CNTNAP2: variants seen among roughly 807,000 people sequenced by gnomAD.
CNTNAP2 encodes the protein contactin associated protein 2.
CNTNAP2 carries 98 observed loss-of-function variants against 155.2 expected under a neutral mutation model. The ratio of observed to expected loss-of-function variants is 0.63; its 90% CI spans 0.54 to 0.75. CNTNAP2 has a LOEUF of 0.75. Among genes scored for constraint, CNTNAP2 ranks in the 30% least tolerant of loss-of-function variants. The pLI, the probability that CNTNAP2 is intolerant of heterozygous loss-of-function variation, is 0.00. For synonymous variants in CNTNAP2, 651 were observed against 631.2 expected (o/e 1.03, Z -0.47); for missense variants, 1,727 against 1,688.1 (o/e 1.02, Z -0.40).
intron 8 of CNTNAP2, among the ~76,000 whole-genome samples, chr7:147,294,489 A>G (rs777062846): frequency 6.6e-6 from 1 of 152,164 alleles, no homozygotes; most frequent in Non-Finnish European, 1.5e-5. Context: ...ATGTTTTCCC[A>G]AGCCTCAAAT....
intron 20 of CNTNAP2, among the ~76,000 whole-genome samples, chr7:148,230,662 TG>T (rs1795945680): frequency 6.6e-6 from 1 of 152,230 alleles, no homozygotes; most frequent in African/African-American, 2.4e-5. Context: ...TTTTGAGCAC[TG>T]GTGGATGTCA....
chr7:147,988,854 T>C (rs867215221), intron 15 of CNTNAP2, among the ~76,000 whole-genome samples: 8 of 152,240 alleles, frequency 5.3e-5, no homozygotes, highest in African/African-American at 1.4e-4. Flanking sequence ...GTGTGGAGCA[T>C]ACTTTGGAAG....
intron 3 of CNTNAP2, among the ~76,000 whole-genome samples, chr7:147,034,702 GA>G (rs1452056016): frequency 6.6e-6 from 1 of 152,154 alleles, no homozygotes; most frequent in Non-Finnish European, 1.5e-5. Flanking sequence ...GGGGAGGTCA[GA>G]AGGGGGATGG....
At chr7:146,745,298 T>G (rs910050063) in intron 1 of CNTNAP2, among the ~76,000 whole-genome samples, 1 of 152,168 alleles carries the variant, frequency 6.6e-6, no homozygotes, top group African/African-American at 2.4e-5. Context: ...AGCTTTAAAT[T>G]TATTATCTCA....
intron 15 of CNTNAP2, among the ~76,000 whole-genome samples, chr7:148,043,321 A>T (rs117543606): frequency 6.6e-6 from 1 of 152,336 alleles, no homozygotes; most frequent in Non-Finnish European, 1.5e-5. Context: ...CAAGGTGTGT[A>T]ACAAAGACAT....
At chr7:147,143,749 AT>A (rs1232381334) in intron 8 of CNTNAP2, among the ~76,000 whole-genome samples, 1 of 152,156 alleles carries the variant, frequency 6.6e-6, no homozygotes, top group East Asian at 1.9e-4. Context: ...TTAAATTTTA[AT>A]TTGATACTTT....
intron 13 of CNTNAP2, among the ~76,000 whole-genome samples, chr7:147,903,029 T>A (rs1366609045): frequency 6.6e-6 from 1 of 152,098 alleles, no homozygotes; most frequent in Non-Finnish European, 1.5e-5. Context: ...GTTCTACTTT[T>A]AGTTCTTTAA....
chr7:148,401,943 CAA>C (rs1440375105), intron 22 of CNTNAP2, among the ~76,000 whole-genome samples: 3 of 152,136 alleles, frequency 2.0e-5, no homozygotes, highest in Non-Finnish European at 2.9e-5. Flanking sequence ...GTTAATCAGA[CAA>C]AAGAGTACAA....
At chr7:146,178,708 C>T (rs1478361770) in intron 1 of CNTNAP2, among the ~76,000 whole-genome samples, 1 of 152,128 alleles carries the variant, frequency 6.6e-6, no homozygotes, top group Non-Finnish European at 1.5e-5. Flanking sequence ...TAAATTATTG[C>T]TCAAAATATT....
chr7:146,892,276 T>A (rs1339255017), intron 3 of CNTNAP2, among the ~76,000 whole-genome samples: 1 of 152,172 alleles, frequency 6.6e-6, no homozygotes, highest in Non-Finnish European at 1.5e-5. Context: ...GACAGCACAG[T>A]GCCTGATCCC....
chr7:146,936,222 G>C (rs1481662893), intron 3 of CNTNAP2, among the ~76,000 whole-genome samples: 2 of 152,154 alleles, frequency 1.3e-5, no homozygotes, highest in Non-Finnish European at 2.9e-5. Flanking sequence ...TGTTTGGACT[G>C]AGCTCAATCA....
chr7:147,024,087 C>A (rs1303436518), intron 3 of CNTNAP2, among the ~76,000 whole-genome samples: 1 of 151,968 alleles, frequency 6.6e-6, no homozygotes, highest in Non-Finnish European at 1.5e-5. Flanking sequence ...ATGTAGTATC[C>A]AGTATCTAAT....
intron 1 of CNTNAP2, among the ~76,000 whole-genome samples, chr7:146,755,477 A>G (rs892134879): frequency 2.6e-5 from 4 of 152,046 alleles, no homozygotes; most frequent in Admixed American, 2.6e-4. Flanking sequence ...TCTGCCATGA[A>G]TAAATGATGT....
chr7:146,399,941 G>A (rs549086512), intron 1 of CNTNAP2, among the ~76,000 whole-genome samples: 72 of 152,140 alleles, frequency 4.7e-4, no homozygotes, highest in African/African-American at 1.7e-3. Flanking sequence ...TACTAATTCT[G>A]TTAGTATAAT....
At chr7:147,839,967 A>G (rs1401671846) in intron 13 of CNTNAP2, among the ~76,000 whole-genome samples, 1 of 122,380 alleles carries the variant, frequency 8.2e-6, no homozygotes, top group Non-Finnish European at 1.8e-5. Flanking sequence ...TATATATACC[A>G]TGGAATACTA....
chr7:148,161,011 A>G (rs536944763), intron 17 of CNTNAP2, among the ~76,000 whole-genome samples: 5 of 152,260 alleles, frequency 3.3e-5, no homozygotes, highest in Non-Finnish European at 7.4e-5. Flanking sequence ...TCTTGACCCA[A>G]TATCCCAACC....
rs560222308 is a variant in CNTNAP2 at position 146,132,572 on chromosome 7, C to G, written c.97+15599C>G. ...CAATGCTATCCCTCCCCCCTCCCCC[C>G]ACCCCACAACAGTCCCCAGAGTGTG... On this transcript the variant is annotated intron_variant, in intron 1 of 23. Coordinates refer to ENST00000361727, the MANE Select transcript of CNTNAP2 (RefSeq NM_014141.6). Among the ~76,000 whole-genome samples, 160 of 117,700 alleles carry G rather than the reference C, an allele frequency of 1.4e-3. No individual in the cohort carries two copies. In the Middle Eastern group the frequency reaches 0.035, roughly 26 times the overall value. The allele number at this position is 117,700 out of a possible 152,430, so 77.2% of individuals were successfully genotyped here. A position where few individuals can be genotyped will look rare whatever the true frequency, so the allele number is the denominator to read the frequency against.
At chr7:146,333,304 A>G (rs1376266416) in intron 1 of CNTNAP2, among the ~76,000 whole-genome samples, 1 of 152,132 alleles carries the variant, frequency 6.6e-6, no homozygotes, top group Non-Finnish European at 1.5e-5. Flanking sequence ...AAGAGTCAAA[A>G]TGATGCAGCT....
intron 1 of CNTNAP2, among the ~76,000 whole-genome samples, chr7:146,681,159 A>G (rs1456246785): frequency 6.6e-6 from 1 of 151,622 alleles, no homozygotes; most frequent in Admixed American, 6.6e-5. Flanking sequence ...CACAGAAAAA[A>G]TGATTGTTTA....
Sources: gnomAD v4.1 joint callset for allele counts (sites outside exome capture counted in the v4.1 genomes callset) on GRCh38, gnomAD v4.1.1 for gene constraint, MANE v1.5 for transcripts, NCBI Gene and HGNC (gene_info 2026-07-23, HGNC 2026-07-21) for gene names.